Variants in EXOC6B observed in about 807,000 individuals in gnomAD.
The protein encoded by EXOC6B is SEC15 homolog B.
In EXOC6B, 54 loss-of-function variants were observed where a neutral mutation model predicts 113.5. The observed-to-expected ratio is 0.48, with a 90% CI of 0.38 to 0.60. EXOC6B has a LOEUF of 0.60. Ranked by LOEUF, EXOC6B falls within the 20% of genes least tolerant of loss-of-function variation. The pLI is 0.00. For missense variants in EXOC6B, 797 were observed against 977.5 expected (o/e 0.82, Z 2.46); for synonymous variants, 357 against 339.0 (o/e 1.05, Z -0.58).
chr2:72,411,165 T>G (rs763940589), intron 18 of EXOC6B, among the ~76,000 whole-genome samples: 1 of 152,190 alleles, frequency 6.6e-6, no homozygotes, highest in African/African-American at 2.4e-5. Context: ...TGAGCTGTGA[T>G]TGTGCCACTG....
intron 20 of EXOC6B, among the ~76,000 whole-genome samples, chr2:72,297,095 A>G (rs2104737593): frequency 6.6e-6 from 1 of 152,332 alleles, no homozygotes; most frequent in Non-Finnish European, 1.5e-5. Flanking sequence ...TTCAAGATGA[A>G]AAGATAATTT....
At chr2:72,580,135 ATTTTTTTTTTT>A (rs1205164863) in intron 6 of EXOC6B, among the ~76,000 whole-genome samples, 2 of 93,764 alleles carry the variant, frequency 2.1e-5, no homozygotes, top group African/African-American at 4.5e-5. Context: ...AGAAATAAGA[ATTTTTTTTTTT>A]TTTTTTTTTT....
chr2:72,759,271 A>T (rs546116249), intron 1 of EXOC6B, among the ~76,000 whole-genome samples: 6 of 152,370 alleles, frequency 3.9e-5, no homozygotes, highest in African/African-American at 1.4e-4. Context: ...TTCTATAAAT[A>T]TTAAAAATTT....
intron 20 of EXOC6B, among the ~76,000 whole-genome samples, chr2:72,264,797 A>G (rs938826286): frequency 6.6e-6 from 1 of 151,942 alleles, no homozygotes; most frequent in African/African-American, 2.4e-5. Context: ...ACTGCCTCTC[A>G]TTCTCTCTCC....
At chr2:72,621,293 G>GTATA (rs755044954) in intron 6 of EXOC6B, among the ~76,000 whole-genome samples, 6 of 151,966 alleles carry the variant, frequency 3.9e-5, no homozygotes, top group African/African-American at 1.5e-4. Context: ...AGAAAATGTG[G>GTATA]TATATATATA....
At chr2:72,259,486 T>C (rs1192718022) in intron 20 of EXOC6B, among the ~76,000 whole-genome samples, 1 of 152,250 alleles carries the variant, frequency 6.6e-6, no homozygotes, top group African/African-American at 2.4e-5. Flanking sequence ...GCAGTTGCTA[T>C]GAACATTCTT....
intron 2 of EXOC6B, among the ~76,000 whole-genome samples, chr2:72,735,661 C>T (rs1215114269): frequency 1.3e-5 from 2 of 150,802 alleles, no homozygotes; most frequent in African/African-American, 4.9e-5. Context: ...ACTAAAAATA[C>T]AAAAATTAGC....
In EXOC6B at chr2:72,666,366, G is replaced by A. The variant is rs111762992; in HGVS notation, c.669+51737C>T. On this transcript the variant is annotated intron_variant, in intron 6 of 21. Transcript: ENST00000272427. ...CTTTCTTCTCATACGCACATGGAAT[G>A]TATTCTAAGATCAACCACATGCTTG... is the stretch of plus-strand genomic sequence containing the variant. Among the ~76,000 whole-genome samples, 23 of 152,208 alleles carry A rather than the reference G, an allele frequency of 1.5e-4. 2 individuals carry two copies. Among genetic ancestry groups the A allele is most frequent in the African/African-American group, 4.6e-4 (19 of 41,530 alleles).
chr2:72,513,187 T>C lies in EXOC6B; in HGVS notation c.1112A>G (p.Asp371Gly). The C allele has an allele frequency of 6.2e-7, 1 of 1,613,442 alleles. No homozygotes were observed. The highest frequency in any genetic ancestry group is 8.5e-7 in the Non-Finnish European group (1 of 1,179,472). The change falls in exon 11 of 22, where the codon GAT (aspartate) becomes GGT (glycine). Residue 371 changes from aspartate to glycine, a missense_variant. Asp to Gly is a moderately conservative substitution (Grantham distance 94, BLOSUM62 -1). Transcript: ENST00000272427. ...TGAAAGTGCCATTTCCCACAGTTCA[T>C]CAATGTAGGCTCTATTTACTAAGCC... is the stretch of plus-strand genomic sequence containing the variant. ...TQGLVNRAYI[D>G]ELWEMALSKT... is the part of the protein sequence containing the mutation.
intron 1 of EXOC6B, among the ~76,000 whole-genome samples, chr2:72,800,743 T>C (rs1255252863): frequency 6.6e-6 from 1 of 152,196 alleles, no homozygotes; most frequent in Non-Finnish European, 1.5e-5. Flanking sequence ...AGTCTGGACT[T>C]GGACTCTTAA....
chr2:72,367,846 T>A (rs1189411323), intron 19 of EXOC6B, among the ~76,000 whole-genome samples: 1 of 152,182 alleles, frequency 6.6e-6, no homozygotes, highest in Non-Finnish European at 1.5e-5. Flanking sequence ...AGGGAACATT[T>A]GGACCAGCCC....
intron 8 of EXOC6B, among the ~76,000 whole-genome samples, chr2:72,546,109 C>T (rs1702885813): frequency 6.6e-6 from 1 of 152,182 alleles, no homozygotes; most frequent in Non-Finnish European, 1.5e-5. Flanking sequence ...TATTGACCAT[C>T]TTACACCATT....
rs191327380 is a variant in EXOC6B, at chr2:72,640,357, C to T, written c.670-64689G>A. Among the ~76,000 whole-genome samples the T allele has an allele frequency of 2.4e-4, 36 of 152,172 alleles. 1 individual carries two copies. Among genetic ancestry groups the T allele is most frequent in the Middle Eastern group, 3.4e-3 (1 of 294 alleles). The stretch of plus-strand genomic sequence containing the variant: ...GAATAAACAAAACCTCTAAGAAATA[C>T]GGGATTATGTAAAGAGACCAAATCT... On this transcript the variant is annotated intron_variant, in intron 6 of 21. Coordinates refer to ENST00000272427, the MANE Select transcript of EXOC6B (RefSeq NM_015189.3).
intron 20 of EXOC6B, among the ~76,000 whole-genome samples, chr2:72,210,677 T>C (rs1680132194): frequency 1.3e-5 from 2 of 152,196 alleles, no homozygotes; most frequent in South Asian, 2.1e-4. Flanking sequence ...CTGTGCCTCA[T>C]CTTACAAGTC....
At chr2:72,228,582 A>G (rs1681406273) in intron 20 of EXOC6B, among the ~76,000 whole-genome samples, 2 of 152,132 alleles carry the variant, frequency 1.3e-5, no homozygotes, top group Admixed American at 1.3e-4. Context: ...ATGTCCCTAC[A>G]AAGGACATGA....
chr2:72,351,903 C>A lies in EXOC6B; in HGVS notation c.2123-16883G>T, dbSNP rs140541233. Among the ~76,000 whole-genome samples, 222 of 152,250 alleles carry A rather than the reference C, an allele frequency of 1.5e-3. 4 individuals carry two copies. In the East Asian group the frequency reaches 0.037, roughly 25 times the overall value. ...TTATCTTTCCATGAATTCCTTATGA[C>A]CACCCCACTTCATTTCACCCTATTC... On this transcript the variant is annotated intron_variant, in intron 19 of 21. Coordinates refer to ENST00000272427, the MANE Select transcript of EXOC6B (RefSeq NM_015189.3).
intron 20 of EXOC6B, among the ~76,000 whole-genome samples, chr2:72,307,274 G>C (rs1686934147): frequency 6.6e-6 from 1 of 151,696 alleles, no homozygotes; most frequent in Non-Finnish European, 1.5e-5. Context: ...CGAGTTGCCG[G>C]GACTACAGGC....
chr2:72,608,832 C>T (rs924775298), intron 6 of EXOC6B, among the ~76,000 whole-genome samples: 1 of 151,856 alleles, frequency 6.6e-6, no homozygotes, highest in Non-Finnish European at 1.5e-5. Context: ...AGAGATGAGC[C>T]CTCCCTATGT....
intron 8 of EXOC6B, among the ~76,000 whole-genome samples, chr2:72,519,399 A>G (rs1253895742): frequency 6.6e-6 from 1 of 152,196 alleles, no homozygotes; most frequent in Non-Finnish European, 1.5e-5. Context: ...TGCCTTTGAA[A>G]GAAGGCACAA....
Sources: gnomAD v4.1 joint callset for allele counts (sites outside exome capture counted in the v4.1 genomes callset) on GRCh38, gnomAD v4.1.1 for gene constraint, MANE v1.5 for transcripts, NCBI Gene and HGNC (gene_info 2026-07-23, HGNC 2026-07-21) for gene names.